SLC5A9: variants seen among roughly 807,000 people sequenced by gnomAD.
The protein encoded by SLC5A9 is sodium/glucose cotransporter 4.
A neutral mutation model predicts 70.9 loss-of-function variants in SLC5A9; 59 were observed. The ratio of observed to expected loss-of-function variants is 0.83; its 90% confidence interval spans 0.68 to 1.03. The LOEUF is 1.03. Among genes scored for constraint, SLC5A9 ranks in the 50% least tolerant of loss-of-function variants. The probability of loss-of-function intolerance (pLI) is 0.00; values close to 1 mark genes in which losing one functional copy is unlikely to be tolerated. For missense variants in SLC5A9, 832 were observed against 881.1 expected (o/e 0.94, Z 0.71); for synonymous variants, 340 against 346.5 (o/e 0.98, Z 0.21).
At chr1:48,228,785 T>A (rs1644200810) in intron 2 of SLC5A9, 65 bp from the exon 3 acceptor site, 6 of 1,593,894 alleles carry the variant, frequency 3.8e-6, no homozygotes, top group Non-Finnish European at 5.1e-6. Flanking sequence ...CTACTCATGG[T>A]CCTCGCTCCA....
intron 2 of SLC5A9, among the ~76,000 whole-genome samples, chr1:48,225,971 A>G (rs995704126): frequency 6.6e-6 from 1 of 152,108 alleles, no homozygotes; most frequent in Admixed American, 6.5e-5. Flanking sequence ...TAGTGGTCAC[A>G]GACTCATTAA....
chr1:48,224,585 G>A, intron 1 of SLC5A9, 139 bp from the exon 2 acceptor site: 1 of 752,640 alleles, frequency 1.3e-6, no homozygotes, highest in East Asian at 2.6e-5. Context: ...CCAGCCTCAG[G>A]CAGCTCTCTT....
intron 4 of SLC5A9, among the ~76,000 whole-genome samples, 158 bp from the exon 5 acceptor site, chr1:48,230,442 A>G (rs554225831): frequency 6.6e-6 from 1 of 152,344 alleles, no homozygotes; most frequent in South Asian, 2.1e-4. Flanking sequence ...TGTCTGCAAG[A>G]TAAAACCCAC....
chr1:48,223,345 C>G (rs1186979938), intron 1 of SLC5A9, among the ~76,000 whole-genome samples: 1 of 152,154 alleles, frequency 6.6e-6, no homozygotes, highest in Non-Finnish European at 1.5e-5. Context: ...GTGTGCCAGG[C>G]TTATTCCAAG....
Position 48,232,495 on chromosome 1 carries a change from G to A in SLC5A9, c.1026G>A (p.Leu342=). 1 of 1,614,192 alleles carries A rather than the reference G, an allele frequency of 6.2e-7. No homozygotes were observed. The highest frequency in any genetic ancestry group is 8.5e-7 in the Non-Finnish European group (1 of 1,180,042). ...TGCCTGGCATGATCAGCCGGGCCCT[G>A]TTCCCAGGTAAGAACGAGCCTTGCT... ...IVMPGMISRA[L]FPDEVGCVDP... The change falls in exon 8 of 14, where the codon CTG becomes CTA. Residue 342 remains leucine (L), a synonymous_variant. Transcript: ENST00000438567.
intron 10 of SLC5A9, among the ~76,000 whole-genome samples, chr1:48,236,476 C>T (rs1275606130): frequency 6.6e-6 from 1 of 152,176 alleles, no homozygotes; most frequent in East Asian, 1.9e-4. Flanking sequence ...CTAAGGAATT[C>T]GAACTTTATC....
At chr1:48,232,216 C>A in intron 7 of SLC5A9, 65 bp downstream of exon 7, 1 of 1,569,164 alleles carries the variant, frequency 6.4e-7, no homozygotes. Context: ...CAGAAAAACC[C>A]AGTGCCTGGA....
At chr1:48,244,714 A>G (rs956043465) in intron 13 of SLC5A9, among the ~76,000 whole-genome samples, 3 of 94,944 alleles carry the variant, frequency 3.2e-5, no homozygotes, top group South Asian at 3.5e-4. Flanking sequence ...CTTTGCAAAT[A>G]TATATATATA....
chr1:48,247,420 G>A lies in SLC5A9; in HGVS notation c.1923G>A (p.Glu641=). ...GTPEQALSPA[E]KAALEQKLTS... is the part of the protein sequence containing the mutation. Reference sequence around the variant, plus strand: ...CGGAGCAGGCCCTGAGCCCAGCAGAGAAGGCTGCGCTAGAACAGAAGCTGA... The same window carrying A: ...CGGAGCAGGCCCTGAGCCCAGCAGAAAAGGCTGCGCTAGAACAGAAGCTGA... The change falls in exon 14 of 14, where the codon GAG becomes GAA. Residue 641 remains glutamate, a synonymous_variant. Transcript: ENST00000438567. 1 of 1,614,220 alleles carries A rather than the reference G, an allele frequency of 6.2e-7. No individual in the cohort carries two copies. The highest frequency in any genetic ancestry group is 8.5e-7 in the Non-Finnish European group (1 of 1,180,046).
At chr1:48,232,606 T>C (rs1020624494) in intron 8 of SLC5A9, 104 bp downstream of exon 8, 5 of 1,464,272 alleles carry the variant, frequency 3.4e-6, no homozygotes, top group Non-Finnish European at 4.6e-6. Flanking sequence ...GAGCAGGGGT[T>C]GGCAAGGTTT....
chr1:48,242,948 G>A (rs1644409330), intron 13 of SLC5A9, among the ~76,000 whole-genome samples: 4 of 151,878 alleles, frequency 2.6e-5, no homozygotes, highest in Admixed American at 2.0e-4. Flanking sequence ...AATAAAGAGG[G>A]CATGCTTGGC....
intron 13 of SLC5A9, among the ~76,000 whole-genome samples, chr1:48,244,911 A>ATATATATATAT (rs1557486574): frequency 1.7e-4 from 4 of 23,384 alleles, no homozygotes; most frequent in African/African-American, 3.8e-4. Flanking sequence ...TATATATATA[A>ATATATATATAT]AACCTCTGTC....
chr1:48,228,999 C>A (rs41287918), intron 3 of SLC5A9, 45 bp downstream of exon 3: 1 of 1,613,254 alleles, frequency 6.2e-7, no homozygotes, highest in Non-Finnish European at 8.5e-7. Context: ...AGGGTCTAAC[C>A]CACCTCTGTC....
rs577238754 is a variant in SLC5A9 at position 48,224,925 on chromosome 1, T to C, written c.234+130T>C. 8.8e-5 allele frequency: 81 copies of C among 916,652 alleles called. 2 individuals carry two copies. In the South Asian group the frequency reaches 1.2e-3, roughly 14 times the overall value. The allele number at this position is 916,652 out of a possible 1,614,324, so 56.8% of individuals were successfully genotyped here. On this transcript the variant is annotated intron_variant, in intron 2 of 13. Coordinates refer to ENST00000438567, the MANE Select transcript of SLC5A9 (RefSeq NM_001011547.3). Reference sequence around the variant, plus strand: ...AGACCTCCCCGTTGTGTTTCCTGACTCTGGGCCCCTTCTCTCCCGCCCAAA... The same window carrying C: ...AGACCTCCCCGTTGTGTTTCCTGACCCTGGGCCCCTTCTCTCCCGCCCAAA...
At chr1:48,232,333 C>T (rs1644260885) in intron 7 of SLC5A9, 34 bp from the exon 8 acceptor site, 1 of 1,611,226 alleles carries the variant, frequency 6.2e-7, no homozygotes, top group Non-Finnish European at 8.5e-7. Flanking sequence ...CTCTCCTCTA[C>T]CTGCGCTGCA....
At position 48,244,868 on chromosome 1, in the gene SLC5A9, ATGTG is replaced by A. The variant is rs1169204618; in HGVS notation, c.1837+2254_1837+2257del. Among the ~76,000 whole-genome samples, 9 of 22,262 alleles carry A rather than the reference ATGTG, an allele frequency of 4.0e-4. 1 individual carries two copies. Among genetic ancestry groups the A allele is most frequent in the African/African-American group, 5.9e-4 (3 of 5,054 alleles). 14.6% of individuals were successfully genotyped at this position (22,262 alleles called of 152,430 possible). A position where few individuals can be genotyped will look rare whatever the true frequency, so the allele number is the denominator to read the frequency against. ...ATATAAAACCTGTGTGTGTGTATGT[ATGTG>A]TATGTGTATATATATATATATATAT... On this transcript the variant is annotated intron_variant, in intron 13 of 13. Transcript: ENST00000438567.
intron 13 of SLC5A9, among the ~76,000 whole-genome samples, chr1:48,247,082 A>G (rs976077100): frequency 6.6e-6 from 1 of 152,116 alleles, no homozygotes; most frequent in Non-Finnish European, 1.5e-5. Context: ...TGGTGCTTCC[A>G]CTACATGACT....
chr1:48,232,955 AAAGG>A (rs978728293), intron 8 of SLC5A9, among the ~76,000 whole-genome samples: 1 of 143,786 alleles, frequency 7.0e-6, no homozygotes, highest in Non-Finnish European at 1.5e-5. Context: ...AAGAAGAAAA[AAAGG>A]AGGAGGAGGA....
chr1:48,235,627 C>T, intron 9 of SLC5A9, 102 bp from the exon 10 acceptor site: 1 of 1,405,666 alleles, frequency 7.1e-7, no homozygotes, highest in Admixed American at 2.0e-5. Flanking sequence ...CTCATCCCCA[C>T]CCCCAGCTCC....
Sources: allele counts gnomAD v4.1 joint callset (sites outside exome capture counted in the v4.1 genomes callset), GRCh38; gene constraint gnomAD v4.1.1; transcripts MANE v1.5; gene names NCBI Gene and HGNC (gene_info 2026-07-23, HGNC 2026-07-21).